Variants in RASGRP4 observed in about 807,000 individuals in gnomAD.
RASGRP4 encodes the protein RAS guanyl releasing protein 4, also known as RAS guanyl-releasing protein 4.
RASGRP4 carries 52 observed loss-of-function variants against 84.4 expected under a neutral mutation model. The ratio of observed to expected loss-of-function variants is 0.62; its 90% CI spans 0.49 to 0.78. RASGRP4 has a LOEUF of 0.78. Among genes scored for constraint, RASGRP4 ranks in the 30% least tolerant of loss-of-function variants. The pLI, the probability that RASGRP4 is intolerant of heterozygous loss-of-function variation, is 0.00. For synonymous variants in RASGRP4, 356 were observed against 359.1 expected (o/e 0.99, Z 0.10); for missense variants, 760 against 886.9 (o/e 0.86, Z 1.82).
rs1414209810 is a variant in RASGRP4 at position 38,410,932 on chromosome 19, G to A, written c.1919C>T (p.Ala640Val). The part of the protein sequence containing the change: ...EPETGCQLRH[A>V]WTQTESPHPS... ...GTGTGGGGATTCAGTCTGGGTCCAG[G>A]CATGGCGAAGCTGGCACCCAGTCTC... The change falls in exon 16 of 17, where the codon GCC (alanine) becomes GTC (valine). Residue 640 changes from alanine to valine, a missense_variant. By Grantham distance (64) the Ala-to-Val change is moderately conservative. Coordinates refer to ENST00000615439, the MANE Select transcript of RASGRP4 (RefSeq NM_170604.3). 2 of 1,604,766 alleles carry A rather than the reference G, an allele frequency of 1.2e-6. No homozygotes were observed. The highest frequency in any genetic ancestry group is 1.7e-6 in the Non-Finnish European group (2 of 1,175,780).
rs1316824913 is a variant in RASGRP4, at chr19:38,413,214, C to T, written c.1395G>A (p.Arg465=). The T allele has an allele frequency of 4.3e-6, 7 of 1,613,416 alleles. No individual in the cohort carries two copies. The highest frequency in any genetic ancestry group is 5.9e-6 in the Non-Finnish European group (7 of 1,179,830). The change falls in exon 11 of 17, where the codon CGG becomes CGA. Residue 465 remains arginine (R), a synonymous_variant. Coordinates refer to ENST00000615439, the MANE Select transcript of RASGRP4 (RefSeq NM_170604.3). This position sits in a 1 kb window ranked among gnomAD's most constrained non-coding sequence, Gnocchi z 4.7. ...TTACCTCCACCAGCTGCTCCACATGCCGACCCAGTGTGACCCTGTCCGGCT... is the reference window on the plus strand; with the variant it reads ...TTACCTCCACCAGCTGCTCCACATGTCGACCCAGTGTGACCCTGTCCGGCT... The part of the protein sequence containing the change: ...TPKPDRVTLG[R]HVEQLVESVF...
Position 38,420,021 on chromosome 19 carries a change from C to T in RASGRP4, c.510-8G>A. On this transcript the variant is annotated splice_polypyrimidine_tract_variant and splice_region_variant and intron_variant, in intron 5 of 16. Transcript: ENST00000615439. ...GGGCCACCAGGGCTCAGGCTGGGGG[C>T]CAAGAGGGGCAGGGTATTGGAGTGG... The T allele has an allele frequency of 6.2e-7, 1 of 1,613,152 alleles. No individual in the cohort carries two copies. Among genetic ancestry groups the T allele is most frequent in the Non-Finnish European group, 8.5e-7 (1 of 1,179,242 alleles).
Position 38,412,877 on chromosome 19 carries a change from C to T in RASGRP4, c.1535+54G>A, listed in dbSNP as rs1783006851. On this transcript the variant is annotated intron_variant, in intron 12 of 16. Transcript: ENST00000615439. The surrounding 1 kb of genome is among the most constrained non-coding windows in gnomAD (Gnocchi z 4.6). ...CCAACGTCCTCCAGACCCAGGAGTC[C>T]AGGCAACCCCAGTGTCCTCATCTTC... 1 of 1,612,776 alleles carries T rather than the reference C, an allele frequency of 6.2e-7. No individual in the cohort carries two copies. The highest frequency in any genetic ancestry group is 8.5e-7 in the Non-Finnish European group (1 of 1,179,126).
intron 8 of RASGRP4, among the ~76,000 whole-genome samples, chr19:38,416,519 C>T (rs1205194222): frequency 6.0e-5 from 9 of 151,050 alleles, no homozygotes; most frequent in Non-Finnish European, 8.8e-5. Flanking sequence ...CGCTATGTTG[C>T]CCAGGCTGGT....
intron 3 of RASGRP4, 28 bp from the exon 4 acceptor site, chr19:38,420,998 C>T (rs2145231933): frequency 1.2e-6 from 2 of 1,613,302 alleles, no homozygotes; most frequent in Middle Eastern, 1.6e-4. Flanking sequence ...CTCTGTTTTC[C>T]AGGATCCATG....
chr19:38,409,243 A>G lies in RASGRP4; in HGVS notation c.*797T>C, dbSNP rs1238570207. 6 of 171,156 alleles carry G rather than the reference A, an allele frequency of 3.5e-5. No homozygotes were observed. The highest frequency in any genetic ancestry group is 6.2e-5 in the Non-Finnish European group (5 of 80,730). 10.6% of individuals were successfully genotyped at this position (171,156 alleles called of 1,614,324 possible). A position where few individuals can be genotyped will look rare whatever the true frequency, so the allele number is the denominator to read the frequency against. On this transcript the variant is annotated 3_prime_UTR_variant, in exon 17 of 17. Transcript: ENST00000615439. Reference sequence around the variant, plus strand: ...TCTATCCTGTGCCGTGGGCATGGGTAAGGAGACATTCAGGCATCAGACAAG... The same window carrying G: ...TCTATCCTGTGCCGTGGGCATGGGTGAGGAGACATTCAGGCATCAGACAAG...
At position 38,410,906 on chromosome 19, in the gene RASGRP4, G is replaced by A. The variant is rs1473927492; in HGVS notation, c.1945C>T (p.Pro649Ser). Residue 649 changes from proline (P) to serine (S), a missense_variant, in exon 16 of 17, where the codon CCT (proline) becomes TCT (serine). Pro to Ser is a moderately conservative substitution (Grantham distance 74, BLOSUM62 -1). Coordinates refer to ENST00000615439, the MANE Select transcript of RASGRP4 (RefSeq NM_170604.3). ...HAWTQTESPH[P>S]SWETDTVPCP... ...CTCACCGTATCTGTTTCCCAGGAAG[G>A]GTGTGGGGATTCAGTCTGGGTCCAG... The A allele has an allele frequency of 1.9e-6, 3 of 1,600,524 alleles. No individual in the cohort carries two copies. The highest frequency in any genetic ancestry group is 1.7e-5 in the Admixed American group (1 of 57,708).
intron 6 of RASGRP4, 70 bp downstream of exon 6, chr19:38,419,790 T>TC: frequency 6.9e-7 from 1 of 1,452,218 alleles, no homozygotes; most frequent in Non-Finnish European, 9.4e-7. Context: ...AGTCCTACCT[T>TC]CCCCCAGCCA....
chr19:38,414,220 C>T (rs1046648856), intron 9 of RASGRP4, among the ~76,000 whole-genome samples: 13 of 152,154 alleles, frequency 8.5e-5, no homozygotes, highest in East Asian at 1.9e-4. Context: ...CCACTGCGCC[C>T]GGCTAGACAC....
chr19:38,423,297 G>A (rs1267541000), intron 1 of RASGRP4, among the ~76,000 whole-genome samples: 3 of 152,166 alleles, frequency 2.0e-5, no homozygotes, highest in African/African-American at 7.2e-5. Flanking sequence ...GGCCAAGGTG[G>A]GTGGATCACT....
Position 38,412,941 on chromosome 19 carries a change from G to T in RASGRP4, c.1525C>A (p.Pro509Thr). The T allele has an allele frequency of 6.2e-7, 1 of 1,613,974 alleles. No homozygotes were observed. The highest frequency in any genetic ancestry group is 8.5e-7 in the Non-Finnish European group (1 of 1,179,832). ...GTCACAACCACTTACCCCTGGCGTG[G>T]GGGTGGGTGAAGCCCATGGCAGGCG... ...PFACHGLHPP[P>T]RQGRGSFSRE... The change falls in exon 12 of 17, where the codon CCA (proline) becomes ACA (threonine). Residue 509 changes from proline to threonine, a missense_variant. Pro to Thr is a conservative substitution (Grantham distance 38). Coordinates refer to ENST00000615439, the MANE Select transcript of RASGRP4 (RefSeq NM_170604.3). The surrounding 1 kb of genome is among the most constrained non-coding windows in gnomAD (Gnocchi z 4.6).
In RASGRP4 at chr19:38,412,636, TGGAACCTAA is replaced by T. The variant is rs1268524819; in HGVS notation, c.1680+27_1680+35del. The T allele has an allele frequency of 6.2e-6, 10 of 1,600,182 alleles. No homozygotes were observed. The highest frequency in any genetic ancestry group is 1.3e-5 in the African/African-American group (1 of 74,556). On this transcript the variant is annotated intron_variant, in intron 13 of 16. Coordinates refer to ENST00000615439, the MANE Select transcript of RASGRP4 (RefSeq NM_170604.3). This position sits in a 1 kb window ranked among gnomAD's most constrained non-coding sequence, Gnocchi z 4.6. ...TGCGGACTGCCGGCTTCAGGACAGATGGAACCTAAGGGTGGTGATGGGGTGGGGTGCTCA... is the reference window on the plus strand; with the variant it reads ...TGCGGACTGCCGGCTTCAGGACAGATGGGTGGTGATGGGGTGGGGTGCTCA...
At position 38,420,221 on chromosome 19, in the gene RASGRP4, G is replaced by C. The variant is rs1446209662; in HGVS notation, c.419C>G (p.Pro140Arg). 1 of 1,613,168 alleles carries C rather than the reference G, an allele frequency of 6.2e-7. No homozygotes were observed. Among genetic ancestry groups the C allele is most frequent in the South Asian group, 1.1e-5 (1 of 90,896 alleles). ...MRHPEVMHQD[P>R]QLEEVIGRFW... The stretch of plus-strand genomic sequence containing the variant: ...ACGACCTATGACTTCTTCTAGCTGG[G>C]GATCCTGGTGCATCACCTCAGGGTG... Residue 140 changes from proline (P) to arginine (R), a missense_variant, in exon 5 of 17, where the codon CCC becomes CGC. Physicochemically the swap from Pro to Arg is moderately radical, Grantham distance 103 (BLOSUM62 -2). Coordinates refer to ENST00000615439, the MANE Select transcript of RASGRP4 (RefSeq NM_170604.3).
Position 38,414,821 on chromosome 19 carries a change from A to G in RASGRP4, c.1230+27T>C, listed in dbSNP as rs773833697. The G allele has an allele frequency of 3.2e-6, 5 of 1,557,176 alleles. No homozygotes were observed. In the South Asian group the frequency reaches 5.9e-5, roughly 18 times the overall value. ...TATATCTCAGTACCCTTGGAAGCCCAGCCTGGGCGGGGCCAGGGGGGCTCA... is the reference window on the plus strand; with the variant it reads ...TATATCTCAGTACCCTTGGAAGCCCGGCCTGGGCGGGGCCAGGGGGGCTCA... On this transcript the variant is annotated intron_variant, in intron 9 of 16. Coordinates refer to ENST00000615439, the MANE Select transcript of RASGRP4 (RefSeq NM_170604.3).
chr19:38,409,980 C>T lies in RASGRP4; in HGVS notation c.*60G>A, dbSNP rs999653027. ...CTCTGGGAGCCCTGCCAGAGTCTGA[C>T]GGCAGGACTCAGGACTGACTGGGGG... On this transcript the variant is annotated 3_prime_UTR_variant, in exon 17 of 17. Transcript: ENST00000615439. 173 of 1,410,012 alleles carry T rather than the reference C, an allele frequency of 1.2e-4. 1 individual carries two copies. The East Asian group carries it at 1.8e-3, about 15-fold the overall frequency. The allele number at this position is 1,410,012 out of a possible 1,614,324, so 87.3% of individuals were successfully genotyped here.
chr19:38,410,360 T>C (rs1971180109), intron 16 of RASGRP4, among the ~76,000 whole-genome samples: 1 of 152,036 alleles, frequency 6.6e-6, no homozygotes, highest in African/African-American at 2.4e-5. Context: ...TTTTCTGTTC[T>C]CCTAGTGGTT....
chr19:38,419,228 A>C (rs1971633204), intron 6 of RASGRP4, among the ~76,000 whole-genome samples: 1 of 152,124 alleles, frequency 6.6e-6, no homozygotes, highest in African/African-American at 2.4e-5. Flanking sequence ...AATATATGAC[A>C]ATTTCAAATG....
chr19:38,410,414 C>CTTTTTTTT (rs1001083743), intron 16 of RASGRP4, among the ~76,000 whole-genome samples: 1 of 136,046 alleles, frequency 7.4e-6, no homozygotes, highest in Non-Finnish European at 1.6e-5. Flanking sequence ...TTCTATTTTT[C>CTTTTTTTT]TTTTTTTTTT....
Position 38,409,108 on chromosome 19 carries a change from G to A in RASGRP4, c.*932C>T. On this transcript the variant is annotated 3_prime_UTR_variant, in exon 17 of 17. Transcript: ENST00000615439. ...CAGCTGTAGGACCTCTCTCTGTGGG[G>A]GCCAAGTCAGGGGTGTTGGGGTTTG... The A allele has an allele frequency of 2.4e-6, 1 of 424,862 alleles. No individual in the cohort carries two copies. Among genetic ancestry groups the A allele is most frequent in the Non-Finnish European group, 4.1e-6 (1 of 245,770 alleles). 26.3% of individuals were successfully genotyped at this position (424,862 alleles called of 1,614,324 possible). A position where few individuals can be genotyped will look rare whatever the true frequency, so the allele number is the denominator to read the frequency against.
Sources: gnomAD v4.1 joint callset for allele counts (sites outside exome capture counted in the v4.1 genomes callset) on GRCh38, gnomAD v4.1.1 for gene constraint, Gnocchi (gnomAD v3.1) non-coding constraint, MANE v1.5 for transcripts, NCBI Gene and HGNC (gene_info 2026-07-23, HGNC 2026-07-21) for gene names.